The following NEGR1 variants were observed in gnomAD, a reference collection of about 807,000 sequenced individuals.
NEGR1 encodes neuronal growth regulator 1.
Under a neutral mutation model 40.9 loss-of-function variants are expected in NEGR1, and 10 were observed. The ratio of observed to expected loss-of-function variants is 0.24; its 90% confidence interval spans 0.15 to 0.42. The LOEUF is 0.42. NEGR1 is among the 10% of genes least tolerant of loss of function. NEGR1 has a pLI of 1.00. For missense variants in NEGR1, 352 were observed against 438.9 expected (o/e 0.80, Z 1.77); for synonymous variants, 185 against 166.8 (o/e 1.11, Z -0.84).
chr1:71,597,472 C>CTGTGTGTGTGTGTG (rs1553152644), intron 5 of NEGR1, among the ~76,000 whole-genome samples: 506 of 31,318 alleles, frequency 0.016, 29 homozygotes, highest in Non-Finnish European at 0.021. Flanking sequence ...CTCTCTCTCT[C>CTGTGTGTGTGTGTG]TGTGTGTGTG....
intron 4 of NEGR1, among the ~76,000 whole-genome samples, chr1:71,665,269 A>C (rs1343538502): frequency 6.6e-6 from 1 of 152,202 alleles, no homozygotes; most frequent in Non-Finnish European, 1.5e-5. Context: ...ATAAAAATAC[A>C]CTTCACCTCA....
intron 6 of NEGR1, among the ~76,000 whole-genome samples, chr1:71,511,645 A>T (rs563155587): frequency 6.6e-6 from 1 of 152,328 alleles, no homozygotes; most frequent in South Asian, 2.1e-4. Flanking sequence ...GATGTTGTGA[A>T]ATGAATCATC....
At chr1:71,534,066 A>G (rs191286994) in intron 6 of NEGR1, among the ~76,000 whole-genome samples, 1 of 151,806 alleles carries the variant, frequency 6.6e-6, no homozygotes, top group Admixed American at 6.6e-5. Flanking sequence ...TTCTTATGTA[A>G]AATCTTGCCT....
intron 3 of NEGR1, among the ~76,000 whole-genome samples, chr1:71,700,935 A>T (rs989413291): frequency 2.0e-5 from 3 of 152,130 alleles, no homozygotes; most frequent in African/African-American, 7.2e-5. Context: ...GCTCTACTAA[A>T]CATTGTTGAT....
At chr1:71,732,807 T>C (rs1654926910) in intron 3 of NEGR1, among the ~76,000 whole-genome samples, 1 of 152,192 alleles carries the variant, frequency 6.6e-6, no homozygotes, top group Non-Finnish European at 1.5e-5. Context: ...TTTCACAAAA[T>C]GGGTTTTTGA....
chr1:71,951,267 C>G (rs1390414519), intron 1 of NEGR1, among the ~76,000 whole-genome samples: 1 of 151,860 alleles, frequency 6.6e-6, no homozygotes, highest in Non-Finnish European at 1.5e-5. Flanking sequence ...TCATCTTTAC[C>G]AATGGCTGAA....
intron 4 of NEGR1, among the ~76,000 whole-genome samples, chr1:71,631,379 T>C (rs1045635276): frequency 2.0e-5 from 3 of 151,816 alleles, no homozygotes; most frequent in Non-Finnish European, 4.4e-5. Context: ...TCAGCTAATT[T>C]ACATTCTAAA....
intron 2 of NEGR1, among the ~76,000 whole-genome samples, chr1:71,838,739 T>A (rs974328160): frequency 6.6e-6 from 1 of 152,100 alleles, no homozygotes; most frequent in Non-Finnish European, 1.5e-5. Context: ...AGAGAGTATA[T>A]CAAGCAATAA....
chr1:72,193,338 T>C (rs954982233), intron 1 of NEGR1, among the ~76,000 whole-genome samples: 6 of 151,858 alleles, frequency 4.0e-5, no homozygotes, highest in African/African-American at 1.4e-4. Context: ...ACTAATATAA[T>C]GTGCATAAAG....
At chr1:71,695,455 T>C (rs1421738037) in intron 4 of NEGR1, among the ~76,000 whole-genome samples, 1 of 151,732 alleles carries the variant, frequency 6.6e-6, no homozygotes, top group African/African-American at 2.4e-5. Flanking sequence ...TGAAATTTAT[T>C]GTTAAAAAAG....
At chr1:71,827,628 A>C (rs1192246966) in intron 2 of NEGR1, among the ~76,000 whole-genome samples, 1 of 151,986 alleles carries the variant, frequency 6.6e-6, no homozygotes, top group African/African-American at 2.4e-5. Context: ...ATTACAAACA[A>C]ACAAAACAAT....
intron 1 of NEGR1, among the ~76,000 whole-genome samples, chr1:72,153,484 T>G (rs889653429): frequency 6.6e-6 from 1 of 151,942 alleles, no homozygotes; most frequent in African/African-American, 2.4e-5. Context: ...TATCATATGT[T>G]TGAATATATA....
intron 2 of NEGR1, among the ~76,000 whole-genome samples, chr1:71,928,027 T>TAC (rs150454041): frequency 0.16 from 12,594 of 77,408 alleles, 2,105 homozygotes; most frequent in East Asian, 0.45. Context: ...AATAAATAAA[T>TAC]ACACACACAC....
intron 1 of NEGR1, among the ~76,000 whole-genome samples, chr1:72,181,312 C>A (rs1429003956): frequency 2.0e-5 from 3 of 152,012 alleles, no homozygotes; most frequent in Non-Finnish European, 4.4e-5. Flanking sequence ...GAGAGGACAA[C>A]CTGGATGGTC....
At chr1:72,020,652 CA>C (rs1397946096) in intron 1 of NEGR1, among the ~76,000 whole-genome samples, 1 of 152,068 alleles carries the variant, frequency 6.6e-6, no homozygotes, top group African/African-American at 2.4e-5. Context: ...ATAGAAATAA[CA>C]AGGTAAATTA....
intron 1 of NEGR1, among the ~76,000 whole-genome samples, chr1:72,145,434 G>A (rs900742416): frequency 6.6e-6 from 1 of 152,138 alleles, no homozygotes; most frequent in African/African-American, 2.4e-5. Flanking sequence ...TGTAATAGCA[G>A]AAAATAGAGT....
intron 1 of NEGR1, among the ~76,000 whole-genome samples, chr1:72,062,966 A>G (rs1647201467): frequency 6.6e-6 from 1 of 151,980 alleles, no homozygotes; most frequent in South Asian, 2.1e-4. Context: ...ATCTTCATAA[A>G]TCAATGGCAC....
intron 2 of NEGR1, among the ~76,000 whole-genome samples, chr1:71,907,702 T>C (rs1459032219): frequency 6.6e-6 from 1 of 152,156 alleles, no homozygotes; most frequent in Non-Finnish European, 1.5e-5. Context: ...CATGAAGTTG[T>C]ACGTTCATTG....
At chr1:71,436,187 C>A (rs183964957) in intron 6 of NEGR1, among the ~76,000 whole-genome samples, 3 of 145,728 alleles carry the variant, frequency 2.1e-5, no homozygotes, top group Non-Finnish European at 3.0e-5. Flanking sequence ...GGACTTACAA[C>A]AGAGGCAATC....
Sources: gnomAD v4.1 joint callset for allele counts (sites outside exome capture counted in the v4.1 genomes callset) on GRCh38, gnomAD v4.1.1 for gene constraint, MANE v1.5 for transcripts, NCBI Gene and HGNC (gene_info 2026-07-23, HGNC 2026-07-21) for gene names.